Variants in POLI observed in about 807,000 individuals in gnomAD.
The protein encoded by POLI is DNA polymerase iota, also known as RAD30 homolog B.
A neutral mutation model predicts 51.6 loss-of-function variants in POLI; 58 were observed. The ratio of observed to expected loss-of-function variants is 1.12; its 90% CI spans 0.91 to 1.40. The LOEUF (loss-of-function observed/expected upper bound fraction) is 1.40. Ranked by LOEUF, POLI falls within the 40% of genes most tolerant of loss-of-function variation. The probability of loss-of-function intolerance (pLI) is 0.00; values close to 1 mark genes in which losing one functional copy is unlikely to be tolerated. For missense variants in POLI, 921 were observed against 871.3 expected, an observed-to-expected ratio of 1.06 and a Z score of -0.72; for synonymous variants, 322 against 299.7, an observed-to-expected ratio of 1.07 and a Z score of -0.77.
chr18:54,284,063 A>ATG, intron 7 of POLI, 50 bp downstream of exon 7: 1 of 636,624 alleles, frequency 1.6e-6, no homozygotes, highest in Non-Finnish European at 2.8e-6. Flanking sequence ...CATTCTATAT[A>ATG]CGGTATGTGG....
Position 54,271,435 on chromosome 18 carries a change from A to C in POLI, c.191A>C (p.Tyr64Ser). ...VIVHVDLDCF[Y>S]AQVEMISNPE... Reference sequence around the variant, plus strand: ...GTACATGTGGATCTGGATTGCTTTTATGCACAAGTAGAAATGATCTCAAAT... The same window carrying C: ...GTACATGTGGATCTGGATTGCTTTTCTGCACAAGTAGAAATGATCTCAAAT... The change falls in exon 2 of 10, where the codon TAT (tyrosine) becomes TCT (serine). Residue 64 changes from tyrosine to serine, a missense_variant. Physicochemically the swap from Tyr to Ser is moderately radical, Grantham distance 144. Coordinates refer to ENST00000579534, the MANE Select transcript of POLI (RefSeq NM_007195.3). 1 of 1,610,902 alleles carries C rather than the reference A, an allele frequency of 6.2e-7. No homozygotes were observed. The highest frequency in any genetic ancestry group is 8.5e-7 in the Non-Finnish European group (1 of 1,177,332).
chr18:54,310,712 A>G (rs1345874880), intron 3 of POLI, among the ~76,000 whole-genome samples: 1 of 152,166 alleles, frequency 6.6e-6, no homozygotes, highest in Non-Finnish European at 1.5e-5. Context: ...TCTTTTAAAA[A>G]TATGTTAAAA....
chr18:54,310,988 C>T (rs1599281551), intron 3 of POLI: 4 of 359,546 alleles, frequency 1.1e-5, no homozygotes, highest in Non-Finnish European at 1.2e-5. Flanking sequence ...GAATGCCTGG[C>T]CTCAAGTGAT....
downstream of POLI, among the ~76,000 whole-genome samples, chr18:54,301,461 G>C (rs538716229): frequency 6.6e-6 from 1 of 152,254 alleles, no homozygotes; most frequent in Non-Finnish European, 1.5e-5. Flanking sequence ...ACTTACAATA[G>C]TTCAACTTAA....
chr18:54,314,156 G>A, intron 3 of POLI, among the ~76,000 whole-genome samples: 1 of 152,168 alleles, frequency 6.6e-6, no homozygotes, highest in Non-Finnish European at 1.5e-5. Context: ...CTTTTATCAT[G>A]AGGGGATGTT....
chr18:54,273,474 G>T (rs2087099534), intron 2 of POLI, among the ~76,000 whole-genome samples: 1 of 150,636 alleles, frequency 6.6e-6, no homozygotes, highest in Non-Finnish European at 1.5e-5. Flanking sequence ...ATCCTAGAGA[G>T]ATTTGATTTG....
At chr18:54,318,344 T>C (rs527396683) in intron 3 of POLI, among the ~76,000 whole-genome samples, 2 of 152,282 alleles carry the variant, frequency 1.3e-5, no homozygotes, top group South Asian at 4.1e-4. Context: ...TTTAAAAGTG[T>C]AAACATGAAC....
At chr18:54,320,997 T>C (rs989525286) in intron 4 of POLI, 2 of 152,228 alleles carry the variant, frequency 1.3e-5, no homozygotes, top group Non-Finnish European at 1.5e-5. Flanking sequence ...ATTATTTAGA[T>C]ACTACCAGTT....
chr18:54,280,887 C>A lies in POLI; in HGVS notation c.780C>A (p.His260Gln). The change falls in exon 5 of 10, where the codon CAC (histidine) becomes CAA (glutamine). Residue 260 changes from histidine to glutamine, a missense_variant. His to Gln is a conservative substitution (Grantham distance 24). Coordinates refer to ENST00000579534, the MANE Select transcript of POLI (RefSeq NM_007195.3). ...AACATCTTATTCATAGTTTGAATCA[C>A]ATAAAGGAAATACCTGGTAAGACAA... The part of the protein sequence containing the change: ...SCQHLIHSLN[H>Q]IKEIPGIGYK... 1.3e-6 allele frequency: 2 copies of A among 1,576,116 alleles called. No homozygotes were observed. The highest frequency in any genetic ancestry group is 8.7e-7 in the Non-Finnish European group (1 of 1,145,556).
intron 8 of POLI, among the ~76,000 whole-genome samples, chr18:54,290,034 A>T (rs181778874): frequency 6.6e-6 from 1 of 152,372 alleles, no homozygotes; most frequent in Admixed American, 6.5e-5. Context: ...CAGCAGAGTG[A>T]ACAGGCAACC....
chr18:54,311,345 A>G (rs370107479), intron 3 of POLI, among the ~76,000 whole-genome samples: 11 of 152,244 alleles, frequency 7.2e-5, no homozygotes, highest in African/African-American at 2.6e-4. Flanking sequence ...TAAAATAATA[A>G]TAATAATGAA....
chr18:54,315,177 T>C (rs1333267511), intron 3 of POLI, among the ~76,000 whole-genome samples: 1 of 152,178 alleles, frequency 6.6e-6, no homozygotes, highest in Admixed American at 6.6e-5. Flanking sequence ...ATTTTATTAA[T>C]TTCAAAGATT....
intron 3 of POLI, among the ~76,000 whole-genome samples, chr18:54,308,028 CTT>C (rs1234656999): frequency 2.0e-5 from 3 of 152,180 alleles, no homozygotes; most frequent in African/African-American, 7.2e-5. Context: ...GGTCTTGACT[CTT>C]TATCCAATTT....
chr18:54,276,191 A>C (rs2087232174), intron 3 of POLI, among the ~76,000 whole-genome samples: 1 of 151,916 alleles, frequency 6.6e-6, no homozygotes, highest in Non-Finnish European at 1.5e-5. Flanking sequence ...TAACATAGCA[A>C]GACCCTGTCT....
At chr18:54,292,150 G>C in intron 9 of POLI, 112 bp downstream of exon 9, 1 of 670,552 alleles carries the variant, frequency 1.5e-6, no homozygotes, top group Non-Finnish European at 2.5e-6. Flanking sequence ...GATTCTTTTG[G>C]GTGATATTGT....
chr18:54,273,150 AAT>A (rs2087081844), intron 2 of POLI, among the ~76,000 whole-genome samples: 1 of 152,196 alleles, frequency 6.6e-6, no homozygotes, highest in African/African-American at 2.4e-5. Context: ...AATAAACTAG[AAT>A]TTTTTATGCA....
chr18:54,312,251 G>A (rs1344046898), intron 3 of POLI, among the ~76,000 whole-genome samples: 1 of 152,154 alleles, frequency 6.6e-6, no homozygotes, highest in Non-Finnish European at 1.5e-5. Flanking sequence ...ATGGTTTCCA[G>A]TGGCATCCAT....
At chr18:54,275,622 T>C (rs2087206762) in intron 3 of POLI, among the ~76,000 whole-genome samples, 1 of 152,242 alleles carries the variant, frequency 6.6e-6, no homozygotes. Context: ...TCCTCTCATA[T>C]TCATCATATA....
downstream of POLI, among the ~76,000 whole-genome samples, chr18:54,302,072 T>C (rs907015407): frequency 6.6e-6 from 1 of 152,208 alleles, no homozygotes; most frequent in Admixed American, 6.5e-5. Flanking sequence ...CTTGTCAGCT[T>C]TGAGTTACAT....
Sources: gnomAD v4.1 joint callset for allele counts (sites outside exome capture counted in the v4.1 genomes callset) on GRCh38, gnomAD v4.1.1 for gene constraint, MANE v1.5 for transcripts, NCBI Gene and HGNC (gene_info 2026-07-23, HGNC 2026-07-21) for gene names.